The following CRMP1 variants were observed in gnomAD, a reference collection of about 807,000 sequenced individuals.
CRMP1 encodes the protein collapsin response mediator protein 1, also known as dihydropyrimidinase-related protein 1.
CRMP1 carries 19 observed loss-of-function variants against 68.3 expected under a neutral mutation model. The ratio of observed to expected loss-of-function variants is 0.28; its 90% CI spans 0.19 to 0.41. The LOEUF (loss-of-function observed/expected upper bound fraction) is 0.41. CRMP1 is among the 10% of genes least tolerant of loss of function. The pLI, the probability that CRMP1 is intolerant of heterozygous loss-of-function variation, is 1.00. For missense variants in CRMP1, 791 were observed against 967.4 expected, an observed-to-expected ratio of 0.82 and a Z score of 2.42; for synonymous variants, 439 against 399.6, an observed-to-expected ratio of 1.10 and a Z score of -1.18.
In CRMP1 at chr4:5,836,843, G is replaced by A; in HGVS notation, c.1374C>T (p.Gly458=). 6.2e-7 allele frequency: 1 copy of A among 1,614,172 alleles called. No individual in the cohort carries two copies. Among genetic ancestry groups the A allele is most frequent in the Non-Finnish European group, 8.5e-7 (1 of 1,180,016 alleles). Residue 458 remains glycine, a synonymous_variant, in exon 10 of 14, where the codon GGC becomes GGT. Transcript: ENST00000324989. ...CGGGGATCAGGGTAAAGTTGTCCTT[G>A]CCCACCGCCTTCTGGGCAGTGCTGT... ...CPYSTAQKAV[G]KDNFTLIPEG... is the part of the protein sequence containing the mutation.
In CRMP1 at chr4:5,865,378, T is replaced by C. The variant is rs1713909554; in HGVS notation, c.470+1290A>G. Among the ~76,000 whole-genome samples the C allele has an allele frequency of 2.0e-5, 3 of 151,968 alleles. No individual in the cohort carries two copies. Among genetic ancestry groups the C allele is most frequent in the Admixed American group, 1.3e-4 (2 of 15,272 alleles). ...GGCTCACACCTGTAATCCCAGCACT[T>C]TGGGAGGCCGAGGCGAGCGGATCAC... is the stretch of plus-strand genomic sequence containing the variant. On this transcript the variant is annotated intron_variant, in intron 2 of 13. Coordinates refer to ENST00000324989, the MANE Select transcript of CRMP1 (RefSeq NM_001014809.3). The surrounding 1 kb of genome is among the most constrained non-coding windows in gnomAD (Gnocchi z 4.1).
rs938289019 is a variant in CRMP1, at chr4:5,879,169, C to T, written c.382-12413G>A. On this transcript the variant is annotated intron_variant, in intron 1 of 13. Transcript: ENST00000324989. The surrounding 1 kb of genome is among the most constrained non-coding windows in gnomAD (Gnocchi z 4.2). Reference sequence around the variant, plus strand: ...TCCCGGCCTGAGCCCGGCCCTCTCTCGGCCGCGCCCCACCACATCTATCTA... The same window carrying T: ...TCCCGGCCTGAGCCCGGCCCTCTCTTGGCCGCGCCCCACCACATCTATCTA... Among the ~76,000 whole-genome samples, 5 of 152,120 alleles carry T rather than the reference C, an allele frequency of 3.3e-5. No homozygotes were observed. The highest frequency in any genetic ancestry group is 6.5e-5 in the Admixed American group (1 of 15,282).
rs151236371 is a variant in CRMP1, at chr4:5,845,015, C to G, written c.964-1854G>C. Among the ~76,000 whole-genome samples, 382 of 152,334 alleles carry G rather than the reference C, an allele frequency of 2.5e-3. 1 individual carries two copies. Among genetic ancestry groups the G allele is most frequent in the Middle Eastern group, 0.014 (4 of 294 alleles). ...GATTCGTGCGGTGGAATTCTACACA[C>G]CGATGAAATAGAAAAAGCTAGTGCT... is the stretch of plus-strand genomic sequence containing the variant. On this transcript the variant is annotated intron_variant, in intron 6 of 13. Transcript: ENST00000324989.
chr4:5,857,069 C>CCACCAT (rs1713172270), intron 3 of CRMP1, among the ~76,000 whole-genome samples: 1 of 146,084 alleles, frequency 6.8e-6, no homozygotes, highest in African/African-American at 2.6e-5. Flanking sequence ...TATCACCCCA[C>CCACCAT]CATCACCACC....
Position 5,825,482 on chromosome 4 carries a change from ACT to A in CRMP1, c.1969+10_1969+11del, listed in dbSNP as rs766589952. The A allele has an allele frequency of 5.8e-6, 9 of 1,557,898 alleles. No individual in the cohort carries two copies. In the African/African-American group the frequency reaches 1.1e-4, roughly 19 times the overall value. ...GCAATTGTGGGGAGCCTGGGCCACC[ACT>A]CTTTCCTACCTGATAAGCTGAAGTT... is the stretch of plus-strand genomic sequence containing the variant. On this transcript the variant is annotated intron_variant, in intron 13 of 13. Transcript: ENST00000324989. The surrounding 1 kb of genome is among the most constrained non-coding windows in gnomAD (Gnocchi z 4.4).
rs1345810529 is a variant in CRMP1, at chr4:5,842,531, C to A, written c.1032+562G>T. ...GTGCCCACTCTATTCCATGCCCGAT[C>A]AGCTTGCCTTCCTCCTTCCACACTC... On this transcript the variant is annotated intron_variant, in intron 7 of 13. Transcript: ENST00000324989. The surrounding 1 kb of genome is among the most constrained non-coding windows in gnomAD (Gnocchi z 4.5). 6.6e-6 allele frequency among the ~76,000 whole-genome samples: 1 copy of A among 151,864 alleles called. No individual in the cohort carries two copies. The highest frequency in any genetic ancestry group is 1.5e-5 in the Non-Finnish European group (1 of 67,960).
intron 1 of CRMP1, chr4:5,887,703 C>T: frequency 1.0e-6 from 1 of 985,312 alleles, no homozygotes; most frequent in Non-Finnish European, 1.2e-6. Flanking sequence ...TCCATCATGG[C>T]GCTGTCCCTA....
At position 5,836,812 on chromosome 4, in the gene CRMP1, C is replaced by T. The variant is rs750337007; in HGVS notation, c.1405G>A (p.Val469Ile). ...KDNFTLIPEG[V>I]NGIEERMTVV... is the part of the protein sequence containing the mutation. Reference sequence around the variant, plus strand: ...GTCATCCGCTCCTCTATCCCGTTGACACCCTCGGGGATCAGGGTAAAGTTG... The same window carrying T: ...GTCATCCGCTCCTCTATCCCGTTGATACCCTCGGGGATCAGGGTAAAGTTG... The change falls in exon 10 of 14, where the codon GTC (valine) becomes ATC (isoleucine). Residue 469 changes from valine (V) to isoleucine (I), a missense_variant. By Grantham distance (29) the Val-to-Ile change is conservative (BLOSUM62 3). Coordinates refer to ENST00000324989, the MANE Select transcript of CRMP1 (RefSeq NM_001014809.3). 9.3e-6 allele frequency: 15 copies of T among 1,614,084 alleles called. No individual in the cohort carries two copies. The highest frequency in any genetic ancestry group is 1.3e-5 in the Non-Finnish European group (15 of 1,179,932).
chr4:5,822,215 A>G (rs1477970810), intron 13 of CRMP1, among the ~76,000 whole-genome samples: 1 of 152,150 alleles, frequency 6.6e-6, no homozygotes, highest in African/African-American at 2.4e-5. Context: ...CAATCATACT[A>G]TGAAGGGGGT....
intron 1 of CRMP1, among the ~76,000 whole-genome samples, chr4:5,880,681 C>T (rs761602829): frequency 1.2e-4 from 18 of 152,248 alleles, no homozygotes; most frequent in Admixed American, 1.3e-4. Flanking sequence ...ATTGTCAAAG[C>T]ACCACTTCAG....
chr4:5,824,577 A>C (rs1177803840), intron 13 of CRMP1: 1 of 970,730 alleles, frequency 1.0e-6, no homozygotes, highest in African/African-American at 1.8e-5. Flanking sequence ...TCCATTGACC[A>C]AATCCGGCCC....
At chr4:5,882,133 C>G (rs1715261007) in intron 1 of CRMP1, among the ~76,000 whole-genome samples, 1 of 152,224 alleles carries the variant, frequency 6.6e-6, no homozygotes, top group Non-Finnish European at 1.5e-5. Flanking sequence ...CACATCTCCT[C>G]TAGAAAGACT....
At chr4:5,874,915 G>T (rs1489792459) in intron 1 of CRMP1, among the ~76,000 whole-genome samples, 5 of 152,162 alleles carry the variant, frequency 3.3e-5, no homozygotes, top group Non-Finnish European at 7.3e-5. Flanking sequence ...GATGCTGCAG[G>T]AAGGCGTCCT....
rs1180351446 is a variant in CRMP1 at position 5,883,148 on chromosome 4, C to G, written c.381+9441G>C. Among the ~76,000 whole-genome samples the G allele has an allele frequency of 6.6e-6, 1 of 152,220 alleles. No homozygotes were observed. Among genetic ancestry groups the G allele is most frequent in the Admixed American group, 6.5e-5 (1 of 15,292 alleles). Reference sequence around the variant, plus strand: ...TGTCATCCTCCAAACCCCAAGAAGCCATCTCTTGTTGCTTCTGCCAGGGCT... The same window carrying G: ...TGTCATCCTCCAAACCCCAAGAAGCGATCTCTTGTTGCTTCTGCCAGGGCT... On this transcript the variant is annotated intron_variant, in intron 1 of 13. Transcript: ENST00000324989. The surrounding 1 kb of genome is among the most constrained non-coding windows in gnomAD (Gnocchi z 4.5).
intron 4 of CRMP1, among the ~76,000 whole-genome samples, chr4:5,851,733 G>C (rs1190697300): frequency 1.3e-5 from 2 of 151,300 alleles, no homozygotes; most frequent in African/African-American, 4.9e-5. Flanking sequence ...GAAGGAGAAA[G>C]AGGAGGAGGA....
At chr4:5,863,561 G>A (rs1460796329) in intron 2 of CRMP1, among the ~76,000 whole-genome samples, 1 of 152,152 alleles carries the variant, frequency 6.6e-6, no homozygotes, top group East Asian at 1.9e-4. Flanking sequence ...CAATGTGCTG[G>A]AAAGGGAAGG....
At chr4:5,844,388 G>A (rs1282452002) in intron 6 of CRMP1, among the ~76,000 whole-genome samples, 1 of 151,982 alleles carries the variant, frequency 6.6e-6, no homozygotes, top group Non-Finnish European at 1.5e-5. Context: ...TGGAGGGAAG[G>A]GGAGGAAGGG....
At chr4:5,878,689 ACT>A (rs996034871) in intron 1 of CRMP1, among the ~76,000 whole-genome samples, 11 of 151,742 alleles carry the variant, frequency 7.2e-5, no homozygotes, top group Non-Finnish European at 1.3e-4. Flanking sequence ...ACACCTCCAA[ACT>A]CTGTCACATG....
Position 5,888,794 on chromosome 4 carries a change from C to G in CRMP1, c.381+3795G>C, listed in dbSNP as rs1218151456. On this transcript the variant is annotated intron_variant, in intron 1 of 13. Transcript: ENST00000324989. This position sits in a 1 kb window ranked among gnomAD's most constrained non-coding sequence, Gnocchi z 6.4. ...GGGCGGCGCCACAGGTGTGTGGCCG[C>G]GCGTCTGGAGGCCTCCCCGGAACAT... is the stretch of plus-strand genomic sequence containing the variant. Among the ~76,000 whole-genome samples, 1 of 151,890 alleles carries G rather than the reference C, an allele frequency of 6.6e-6. No individual in the cohort carries two copies. Among genetic ancestry groups the G allele is most frequent in the Non-Finnish European group, 1.5e-5 (1 of 67,928 alleles).
Sources: gnomAD v4.1 joint callset for allele counts (sites outside exome capture counted in the v4.1 genomes callset) on GRCh38, gnomAD v4.1.1 for gene constraint, Gnocchi (gnomAD v3.1) non-coding constraint, MANE v1.5 for transcripts, NCBI Gene and HGNC (gene_info 2026-07-23, HGNC 2026-07-21) for gene names.